The following THSD7B variants were observed in gnomAD, a reference collection of about 807,000 sequenced individuals.
The protein encoded by THSD7B is thrombospondin type-1 domain-containing protein 7B.
In THSD7B, 138 loss-of-function variants were observed where a neutral mutation model predicts 213.6. The ratio of observed to expected loss-of-function variants is 0.65; its 90% CI spans 0.56 to 0.74. THSD7B has a LOEUF of 0.74. Ranked by LOEUF, THSD7B falls within the 30% of genes least tolerant of loss-of-function variation. THSD7B has a pLI of 0.00. For missense variants in THSD7B, 1,931 were observed against 1,991.5 expected, an observed-to-expected ratio of 0.97 and a Z score of 0.58; for synonymous variants, 742 against 687.0, an observed-to-expected ratio of 1.08 and a Z score of -1.25.
At chr2:136,961,647 A>G (rs1184981838) in intron 2 of THSD7B, among the ~76,000 whole-genome samples, 1 of 152,272 alleles carries the variant, frequency 6.6e-6, no homozygotes. Context: ...ACAAGGAGGA[A>G]CTTATTACAG....
At chr2:136,985,290 G>A (rs1023929254) in intron 2 of THSD7B, among the ~76,000 whole-genome samples, 3 of 152,120 alleles carry the variant, frequency 2.0e-5, no homozygotes, top group Non-Finnish European at 2.9e-5. Context: ...CAAGTCAGCC[G>A]CTCTCATCAC....
At chr2:137,464,564 C>T (rs1687954912) in intron 15 of THSD7B, among the ~76,000 whole-genome samples, 3 of 151,960 alleles carry the variant, frequency 2.0e-5, no homozygotes, top group Admixed American at 2.0e-4. Context: ...TTCTGAGAGT[C>T]CCTGGTGGAG....
At chr2:137,294,902 ATCTTT>A (rs1226703198) in intron 12 of THSD7B, among the ~76,000 whole-genome samples, 1 of 152,092 alleles carries the variant, frequency 6.6e-6, no homozygotes, top group East Asian at 1.9e-4. Flanking sequence ...CTTGATGCTT[ATCTTT>A]TCTTGTATTC....
intron 3 of THSD7B, among the ~76,000 whole-genome samples, chr2:137,074,055 C>T (rs1251001127): frequency 3.3e-5 from 5 of 151,836 alleles, no homozygotes; most frequent in Non-Finnish European, 5.9e-5. Context: ...AAAGAATGTA[C>T]ATTCTGTTGA....
chr2:137,010,663 C>T (rs1686214934), intron 2 of THSD7B, among the ~76,000 whole-genome samples: 1 of 152,184 alleles, frequency 6.6e-6, no homozygotes, highest in South Asian at 2.1e-4. Flanking sequence ...CTAGTGTACA[C>T]TATACAAATG....
chr2:136,782,885 A>G (rs906189192), intron 1 of THSD7B, among the ~76,000 whole-genome samples: 1 of 152,314 alleles, frequency 6.6e-6, no homozygotes, highest in Admixed American at 6.5e-5. Flanking sequence ...AAAACATGCA[A>G]TATTATCTGT....
At chr2:137,414,356 A>G (rs1686744116) in intron 14 of THSD7B, among the ~76,000 whole-genome samples, 1 of 149,542 alleles carries the variant, frequency 6.7e-6, no homozygotes, top group Non-Finnish European at 1.5e-5. Flanking sequence ...TTGTCTATCA[A>G]AGAAAAAAAA....
chr2:136,978,054 C>T (rs919451248), intron 2 of THSD7B, among the ~76,000 whole-genome samples: 10 of 152,132 alleles, frequency 6.6e-5, no homozygotes, highest in South Asian at 4.1e-4. Flanking sequence ...CAGCCTCAGC[C>T]TCCCAAAGTG....
chr2:137,633,663 A>G (rs1682781856), intron 20 of THSD7B, among the ~76,000 whole-genome samples: 1 of 152,164 alleles, frequency 6.6e-6, no homozygotes, highest in Non-Finnish European at 1.5e-5. Context: ...ATTAATAACT[A>G]TGTCCTGAAC....
chr2:137,405,661 G>A lies in THSD7B; in HGVS notation c.2549G>A (p.Cys850Tyr). ...DDNRSAEMMECLKQTNGMPLL... is the reference protein window; with the variant it reads ...DDNRSAEMMEYLKQTNGMPLL... Reference sequence around the variant, plus strand: ...AACCGGTCAGCAGAAATGATGGAATGCCTCAAGCAGACAAACGGCATGCCT... The same window carrying A: ...AACCGGTCAGCAGAAATGATGGAATACCTCAAGCAGACAAACGGCATGCCT... The change falls in exon 13 of 28, where the codon TGC becomes TAC. Residue 850 changes from cysteine to tyrosine, a missense_variant. By Grantham distance (194) the Cys-to-Tyr change is radical (BLOSUM62 -2). Coordinates refer to ENST00000409968, the MANE Select transcript of THSD7B (RefSeq NM_001316349.2). 6.2e-7 allele frequency: 1 copy of A among 1,612,786 alleles called. No individual in the cohort carries two copies. Among genetic ancestry groups the A allele is most frequent in the Non-Finnish European group, 8.5e-7 (1 of 1,179,406 alleles).
intron 12 of THSD7B, among the ~76,000 whole-genome samples, chr2:137,377,318 T>C (rs1284717042): frequency 1.3e-5 from 2 of 152,218 alleles, no homozygotes; most frequent in Non-Finnish European, 2.9e-5. Flanking sequence ...GGATAAAATT[T>C]AAAAACAAAA....
intron 2 of THSD7B, among the ~76,000 whole-genome samples, chr2:136,994,451 C>T (rs1259594544): frequency 1.3e-5 from 2 of 152,098 alleles, no homozygotes; most frequent in Non-Finnish European, 2.9e-5. Flanking sequence ...CCTTTAGTCC[C>T]AGCTACTTGG....
At chr2:136,780,138 C>A (rs1050619856) in intron 1 of THSD7B, among the ~76,000 whole-genome samples, 1 of 152,162 alleles carries the variant, frequency 6.6e-6, no homozygotes, top group Admixed American at 6.5e-5. Context: ...ATGGGTAATT[C>A]ATAAATAATT....
chr2:136,793,108 A>G (rs1284808840), intron 1 of THSD7B, among the ~76,000 whole-genome samples: 1 of 152,014 alleles, frequency 6.6e-6, no homozygotes, highest in Non-Finnish European at 1.5e-5. Flanking sequence ...ATAATATATG[A>G]GTGGAATTGC....
chr2:137,044,221 C>A (rs1686929914), intron 2 of THSD7B, among the ~76,000 whole-genome samples: 1 of 152,154 alleles, frequency 6.6e-6, no homozygotes, highest in African/African-American at 2.4e-5. Context: ...ATCATATCAA[C>A]AATCTCTAAA....
At chr2:137,295,930 A>G (rs938314427) in intron 12 of THSD7B, among the ~76,000 whole-genome samples, 71 of 152,108 alleles carry the variant, frequency 4.7e-4, no homozygotes, top group African/African-American at 1.7e-3. Context: ...CATATCCTGT[A>G]TGATCTGACC....
At chr2:137,153,959 T>C (rs1679863506) in intron 5 of THSD7B, among the ~76,000 whole-genome samples, 1 of 152,164 alleles carries the variant, frequency 6.6e-6, no homozygotes, top group Non-Finnish European at 1.5e-5. Flanking sequence ...TTCTGAGTCT[T>C]TGAGTGAGCA....
intron 12 of THSD7B, among the ~76,000 whole-genome samples, chr2:137,288,759 T>G (rs528748069): frequency 4.0e-5 from 6 of 151,296 alleles, no homozygotes; most frequent in African/African-American, 1.5e-4. Context: ...AGAGAGGACT[T>G]AAATATGCAA....
chr2:137,223,886 G>A (rs1429547194), intron 7 of THSD7B, among the ~76,000 whole-genome samples: 2 of 152,058 alleles, frequency 1.3e-5, no homozygotes, highest in African/African-American at 2.4e-5. Flanking sequence ...GTTTAAAAGT[G>A]TGCAGTATCC....
Sources: allele counts gnomAD v4.1 joint callset (sites outside exome capture counted in the v4.1 genomes callset), GRCh38; gene constraint gnomAD v4.1.1; transcripts MANE v1.5; gene names NCBI Gene and HGNC (gene_info 2026-07-23, HGNC 2026-07-21).